Variants in ZNF334 observed in about 807,000 individuals in gnomAD.
ZNF334 encodes the protein zinc finger protein 334.
Under a neutral mutation model 12.4 loss-of-function variants are expected in ZNF334, and 14 were observed. The ratio of observed to expected loss-of-function variants is 1.13; its 90% CI spans 0.74 to 1.76. The LOEUF (loss-of-function observed/expected upper bound fraction) is 1.76, where lower values mean the gene tolerates loss of function less well. ZNF334 is among the 40% of genes most tolerant of loss of function. The probability of loss-of-function intolerance (pLI) is 0.00; values close to 1 mark genes in which losing one functional copy is unlikely to be tolerated. For missense variants in ZNF334, 797 were observed against 804.5 expected, an observed-to-expected ratio of 0.99 and a Z score of 0.11; for synonymous variants, 273 against 269.6, an observed-to-expected ratio of 1.01 and a Z score of -0.12.
chr20:46,463,629 C>G, the ZNF334 span: 1 of 204,768 alleles, frequency 4.9e-6, no homozygotes, highest in African/African-American at 2.3e-5. Context: ...CACAACACAC[C>G]TACACGAACT....
At chr20:46,504,519 A>C in intron 3 of ZNF334, 95 bp downstream of exon 3, 1 of 1,459,540 alleles carries the variant, frequency 6.9e-7, no homozygotes, top group East Asian at 2.3e-5. Context: ...TGCTCCCCTG[A>C]TGCTCAGGGC....
downstream of ZNF334, among the ~76,000 whole-genome samples, chr20:46,495,360 T>C (rs1448530897): frequency 6.6e-6 from 1 of 150,712 alleles, no homozygotes; most frequent in Non-Finnish European, 1.5e-5. Context: ...CATACTAGAT[T>C]AGGGTGGGTC....
At chr20:46,466,470 GTTTA>G in the ZNF334 span, among the ~76,000 whole-genome samples, 1,719 of 152,022 alleles carry the variant, frequency 0.011, 46 homozygotes, top group African/African-American at 0.039. Context: ...AAATGCAAAT[GTTTA>G]TTTATTTATT....
the ZNF334 span, among the ~76,000 whole-genome samples, chr20:46,486,666 T>C: frequency 6.6e-6 from 1 of 152,336 alleles, no homozygotes; most frequent in South Asian, 2.1e-4. Flanking sequence ...AAATCTCACA[T>C]GCTCCCTTTA....
chr20:46,482,813 G>C, the ZNF334 span, among the ~76,000 whole-genome samples: 5 of 152,140 alleles, frequency 3.3e-5, no homozygotes, highest in African/African-American at 9.7e-5. Context: ...AGCACGCATA[G>C]ATGGCCCTTA....
the ZNF334 span, among the ~76,000 whole-genome samples, chr20:46,476,741 T>C: frequency 6.6e-6 from 1 of 152,202 alleles, no homozygotes; most frequent in South Asian, 2.1e-4. Flanking sequence ...ACATAAAGGT[T>C]AGGCGACTAT....
the ZNF334 span, among the ~76,000 whole-genome samples, chr20:46,471,006 C>G: frequency 6.6e-6 from 1 of 152,156 alleles, no homozygotes; most frequent in Admixed American, 6.5e-5. Flanking sequence ...GTACAGATAT[C>G]TTCAATTTTA....
the ZNF334 span, among the ~76,000 whole-genome samples, chr20:46,477,843 G>C: frequency 6.6e-6 from 1 of 152,200 alleles, no homozygotes; most frequent in Non-Finnish European, 1.5e-5. Flanking sequence ...TTAGCACTCA[G>C]TATCTTCCTG....
chr20:46,497,083 T>G (rs1251474908), downstream of ZNF334, among the ~76,000 whole-genome samples: 1 of 152,218 alleles, frequency 6.6e-6, no homozygotes, highest in Non-Finnish European at 1.5e-5. Flanking sequence ...CTGCTCTGAT[T>G]GAACTCTAAG....
chr20:46,481,380 C>T, the ZNF334 span: 2 of 152,124 alleles, frequency 1.3e-5, no homozygotes, highest in Admixed American at 6.6e-5. Flanking sequence ...AAGGTCTGAC[C>T]CAAGATTTAG....
chr20:46,473,645 TG>T, the ZNF334 span, among the ~76,000 whole-genome samples: 1,809 of 152,310 alleles, frequency 0.012, 38 homozygotes, highest in African/African-American at 0.042. Flanking sequence ...CATTTAAAAA[TG>T]GAGAACATAT....
intron 2 of ZNF334, among the ~76,000 whole-genome samples, chr20:46,510,535 C>T (rs2061606454): frequency 6.6e-6 from 1 of 152,012 alleles, no homozygotes; most frequent in African/African-American, 2.4e-5. Flanking sequence ...ACCATCCTGG[C>T]TAACATGGCG....
At chr20:46,468,742 G>A in the ZNF334 span, among the ~76,000 whole-genome samples, 1 of 152,148 alleles carries the variant, frequency 6.6e-6, no homozygotes, top group Non-Finnish European at 1.5e-5. Context: ...GCACTCACGG[G>A]TGGGCATGTC....
chr20:46,504,601 A>C lies in ZNF334; in HGVS notation c.148+13T>G. ...GTATGCTCTTGGGAGTTGTACAGGG[A>C]AATAGTCCTTACCCACAGAGACCAA... On this transcript the variant is annotated intron_variant, in intron 3 of 4. Transcript: ENST00000692313. The C allele has an allele frequency of 6.3e-7, 1 of 1,585,664 alleles. No individual in the cohort carries two copies. Among genetic ancestry groups the C allele is most frequent in the Non-Finnish European group, 8.5e-7 (1 of 1,170,808 alleles).
the ZNF334 span, among the ~76,000 whole-genome samples, chr20:46,468,441 ATT>A: frequency 2.7e-3 from 380 of 142,764 alleles, 1 homozygote; most frequent in Non-Finnish European, 4.6e-3. Context: ...TGACTGGCTA[ATT>A]TTTTTTTTTT....
the ZNF334 span, among the ~76,000 whole-genome samples, chr20:46,478,796 T>C: frequency 3.9e-5 from 6 of 152,186 alleles, no homozygotes; most frequent in East Asian, 1.2e-3. Flanking sequence ...TGGGTGCTGG[T>C]GGCTGGGCCC....
chr20:46,511,336 C>T (rs1298001765), intron 2 of ZNF334, among the ~76,000 whole-genome samples: 1 of 151,760 alleles, frequency 6.6e-6, no homozygotes, highest in Non-Finnish European at 1.5e-5. Context: ...GTCATACTGT[C>T]AAATGCAACA....
intron 2 of ZNF334, among the ~76,000 whole-genome samples, chr20:46,511,783 G>A (rs758887699): frequency 7.2e-5 from 11 of 152,224 alleles, no homozygotes; most frequent in Middle Eastern, 3.4e-3. Context: ...GTTTTTGGCA[G>A]AACTGTCTCT....
At chr20:46,492,127 G>C in the ZNF334 span, 7 of 152,584 alleles carry the variant, frequency 4.6e-5, no homozygotes, top group Non-Finnish European at 8.8e-5. Flanking sequence ...ATGCTGGAGA[G>C]AAGCCCTTTC....
Sources: gnomAD v4.1 joint callset for allele counts (sites outside exome capture counted in the v4.1 genomes callset) on GRCh38, gnomAD v4.1.1 for gene constraint, MANE v1.5 for transcripts, NCBI Gene and HGNC (gene_info 2026-07-23, HGNC 2026-07-21) for gene names.